Variants in PPIL1 observed in about 807,000 individuals in gnomAD.
The protein encoded by PPIL1 is peptidyl-prolyl cis-trans isomerase-like 1.
PPIL1 carries 14 observed loss-of-function variants against 19.4 expected under a neutral mutation model. That is an observed-to-expected ratio of 0.72 (90% CI 0.48 to 1.13). The LOEUF (loss-of-function observed/expected upper bound fraction) is 1.13, where lower values mean the gene tolerates loss of function less well. PPIL1 is among the 50% of genes most tolerant of loss of function. The pLI, the probability that PPIL1 is intolerant of heterozygous loss-of-function variation, is 0.00. For synonymous variants in PPIL1, 72 were observed against 73.6 expected (o/e 0.98, Z 0.11); for missense variants, 192 against 218.0 (o/e 0.88, Z 0.75).
Position 36,857,725 on chromosome 6 carries a change from G to A in PPIL1, c.212-1071C>T, listed in dbSNP as rs140839828. Among the ~76,000 whole-genome samples the A allele has an allele frequency of 5.5e-3, 840 of 152,160 alleles. 8 individuals are homozygous for A. The highest frequency in any genetic ancestry group is 0.018 in the African/African-American group (758 of 41,514). ...TTTGAGCCCAGGAGTTTGAGTTTAC[G>A]GTGAGCTATGATCATGTCAGTATAC... is the stretch of plus-strand genomic sequence containing the variant. On this transcript the variant is annotated intron_variant, in intron 2 of 3. Coordinates refer to ENST00000373699, the MANE Select transcript of PPIL1 (RefSeq NM_016059.5).
At chr6:36,874,541 T>C (rs531569699) in intron 1 of PPIL1, among the ~76,000 whole-genome samples, 176 bp downstream of exon 1, 6 of 152,304 alleles carry the variant, frequency 3.9e-5, no homozygotes, top group East Asian at 3.9e-4. Flanking sequence ...CCCGCGGAGC[T>C]TGGACGCGGG....
Position 36,862,784 on chromosome 6 carries a change from T to C in PPIL1, c.212-6130A>G, listed in dbSNP as rs540179127. On this transcript the variant is annotated intron_variant, in intron 2 of 3. Transcript: ENST00000373699. ...AAAAACAGCCCGTGGGATTAGGTTTTCTGTTACTTGTAGCCAAAAGCAGTG... is the reference window on the plus strand; with the variant it reads ...AAAAACAGCCCGTGGGATTAGGTTTCCTGTTACTTGTAGCCAAAAGCAGTG... Among the ~76,000 whole-genome samples the C allele has an allele frequency of 2.8e-4, 42 of 152,358 alleles. 1 individual carries two copies. In the South Asian group the frequency reaches 8.5e-3, roughly 31 times the overall value.
intron 2 of PPIL1, among the ~76,000 whole-genome samples, chr6:36,860,442 CA>C (rs370157244): frequency 6.7e-6 from 1 of 149,876 alleles, no homozygotes; most frequent in African/African-American, 2.4e-5. Context: ...TGTCTGTCTC[CA>C]AAAAAAAAGA....
intron 1 of PPIL1, 48 bp downstream of exon 1, chr6:36,874,669 C>T: frequency 6.2e-7 from 1 of 1,602,618 alleles, no homozygotes; most frequent in Non-Finnish European, 8.5e-7. Context: ...TGGTGAGGCC[C>T]GGGCTCCGCG....
At chr6:36,870,463 C>T (rs951120383) in intron 2 of PPIL1, among the ~76,000 whole-genome samples, 7 of 152,092 alleles carry the variant, frequency 4.6e-5, no homozygotes, top group South Asian at 2.1e-4. Flanking sequence ...CAACTAACCG[C>T]GACTGAAAAC....
intron 2 of PPIL1, among the ~76,000 whole-genome samples, chr6:36,871,097 T>C (rs1425710582): frequency 6.6e-6 from 1 of 152,218 alleles, no homozygotes; most frequent in Non-Finnish European, 1.5e-5. Context: ...CTGTGTTTGC[T>C]CTTCCCTCCA....
At chr6:36,873,482 A>G (rs572021654) in intron 1 of PPIL1, among the ~76,000 whole-genome samples, 19 of 152,380 alleles carry the variant, frequency 1.2e-4, no homozygotes, top group African/African-American at 4.3e-4. Flanking sequence ...AGAGAGGTTT[A>G]TATGTACATA....
chr6:36,858,878 G>C (rs537740551), intron 2 of PPIL1, among the ~76,000 whole-genome samples: 1 of 152,252 alleles, frequency 6.6e-6, no homozygotes, highest in East Asian at 1.9e-4. Context: ...CCTGGCTGGG[G>C]TTACCAGAGA....
At chr6:36,867,562 G>A (rs899887317) in intron 2 of PPIL1, among the ~76,000 whole-genome samples, 4 of 152,222 alleles carry the variant, frequency 2.6e-5, no homozygotes, top group Admixed American at 1.3e-4. Context: ...GAGGGCAGAA[G>A]CCCACACATA....
rs546123405 is a variant in PPIL1 at position 36,863,224 on chromosome 6, G to A, written c.212-6570C>T. 2.0e-5 allele frequency among the ~76,000 whole-genome samples: 3 copies of A among 152,288 alleles called. No individual in the cohort carries two copies. The South Asian group carries it at 6.2e-4, about 32-fold the overall frequency. On this transcript the variant is annotated intron_variant, in intron 2 of 3. Coordinates refer to ENST00000373699, the MANE Select transcript of PPIL1 (RefSeq NM_016059.5). ...TGCCACCTCGGGAGGCAGCCTGCCT[G>A]GGTTTATTCAGTTCCTCTGTCCTCA...
At chr6:36,873,366 T>A (rs1315415762) in intron 1 of PPIL1, among the ~76,000 whole-genome samples, 1 of 152,144 alleles carries the variant, frequency 6.6e-6, no homozygotes, top group African/African-American at 2.4e-5. Context: ...CAACTATCCA[T>A]ACTATGGGCA....
At chr6:36,856,710 C>A (rs781608283) in intron 2 of PPIL1, 56 bp from the exon 3 acceptor site, 35 of 1,488,086 alleles carry the variant, frequency 2.4e-5, no homozygotes, top group Middle Eastern at 3.4e-4. Flanking sequence ...TATCTCACAG[C>A]AAGAATGATG....
At chr6:36,861,701 C>CTTTTTTTTTTTTTTTTTT in intron 2 of PPIL1, among the ~76,000 whole-genome samples, 1 of 138,828 alleles carries the variant, frequency 7.2e-6, no homozygotes. Context: ...TTTTTAATTC[C>CTTTTTTTTTTTTTTTTTT]TTTTTTTTTT....
chr6:36,865,485 G>T (rs1774375367), intron 2 of PPIL1, among the ~76,000 whole-genome samples: 1 of 152,208 alleles, frequency 6.6e-6, no homozygotes, highest in African/African-American at 2.4e-5. Context: ...ACAAGAGCCA[G>T]TCTAGAGTGG....
chr6:36,869,933 G>C (rs1045309299), intron 2 of PPIL1, among the ~76,000 whole-genome samples: 16 of 152,006 alleles, frequency 1.1e-4, no homozygotes, highest in African/African-American at 3.9e-4. Context: ...CCTTAAACCA[G>C]ACATGATGGG....
intron 2 of PPIL1, among the ~76,000 whole-genome samples, chr6:36,857,489 T>C (rs1201709413): frequency 6.6e-6 from 1 of 151,818 alleles, no homozygotes; most frequent in Non-Finnish European, 1.5e-5. Flanking sequence ...TCCATAAATT[T>C]TTTTTTTTTA....
At chr6:36,857,617 C>CA (rs1038454187) in intron 2 of PPIL1, among the ~76,000 whole-genome samples, 8 of 151,982 alleles carry the variant, frequency 5.3e-5, no homozygotes, top group African/African-American at 1.7e-4. Context: ...ACCTGGCTCA[C>CA]AAAAAAATTT....
intron 2 of PPIL1, among the ~76,000 whole-genome samples, chr6:36,857,845 C>G (rs544040695): frequency 1.8e-4 from 27 of 152,274 alleles, no homozygotes; most frequent in African/African-American, 6.0e-4. Flanking sequence ...CTAGCAGCAT[C>G]ACCACCAAAT....
intron 2 of PPIL1, among the ~76,000 whole-genome samples, chr6:36,861,537 T>C (rs923253259): frequency 1.3e-5 from 2 of 152,206 alleles, no homozygotes; most frequent in African/African-American, 4.8e-5. Context: ...GGCTCAACTA[T>C]ATACTATAGA....
Sources: allele counts gnomAD v4.1 joint callset (sites outside exome capture counted in the v4.1 genomes callset), GRCh38; gene constraint gnomAD v4.1.1; transcripts MANE v1.5; gene names NCBI Gene and HGNC (gene_info 2026-07-23, HGNC 2026-07-21).